Variants in GSDMC observed in about 807,000 individuals in gnomAD.
GSDMC encodes the protein gasdermin C.
Under a neutral mutation model 58.0 loss-of-function variants are expected in GSDMC, and 59 were observed. That is an observed-to-expected ratio of 1.02 (90% CI 0.82 to 1.26). The LOEUF is 1.26. GSDMC is among the 50% of genes most tolerant of loss of function. GSDMC has a pLI of 0.00. For missense variants in GSDMC, 659 were observed against 598.5 expected (o/e 1.10, Z -1.06); for synonymous variants, 241 against 220.2 (o/e 1.09, Z -0.83).
intron 5 of GSDMC, among the ~76,000 whole-genome samples, chr8:129,761,752 G>C (rs751217878): frequency 4.6e-5 from 7 of 152,128 alleles, no homozygotes; most frequent in Non-Finnish European, 1.0e-4. Flanking sequence ...CTCCTCATTA[G>C]AGAGCTGCTT....
Position 129,752,118 on chromosome 8 carries a change from C to G in GSDMC, c.874G>C (p.Gly292Arg), listed in dbSNP as rs373573200. ...AGATTCCACTCACTTGGCAAATGCC[C>G]GCTCAAAAATTGCTGTGTCAGAAAT... ...ELFLTQQFLS[G>R]HLPKYEQVHI... Residue 292 changes from glycine (G) to arginine (R), a missense_variant, in exon 8 of 14, where the codon GGG (glycine) becomes CGG (arginine). Transcript: ENST00000276708. 6 of 1,613,266 alleles carry G rather than the reference C, an allele frequency of 3.7e-6. No homozygotes were observed. The highest frequency in any genetic ancestry group is 2.2e-5 in the South Asian group (2 of 91,046).
chr8:129,744,624 G>A (rs1333494179), downstream of GSDMC, among the ~76,000 whole-genome samples: 1 of 152,200 alleles, frequency 6.6e-6, no homozygotes, highest in African/African-American at 2.4e-5. Context: ...AAAGTCCTCA[G>A]GAACTTAGTC....
the GSDMC span, chr8:129,728,874 T>C: frequency 2.9e-5 from 19 of 646,694 alleles, no homozygotes; most frequent in African/African-American, 1.8e-4. Flanking sequence ...GGGCGGGCTC[T>C]TGTGGACCTT....
chr8:129,710,854 A>C, the GSDMC span, among the ~76,000 whole-genome samples: 1 of 152,226 alleles, frequency 6.6e-6, no homozygotes, highest in African/African-American at 2.4e-5. Flanking sequence ...CGAGGCCAGC[A>C]AATTCACATG....
intron 3 of GSDMC, among the ~76,000 whole-genome samples, chr8:129,769,499 C>A (rs1342918479): frequency 6.6e-6 from 1 of 152,112 alleles, no homozygotes; most frequent in Non-Finnish European, 1.5e-5. Flanking sequence ...GTCCTCAGAG[C>A]ATGGCACCAG....
chr8:129,760,463 A>T, intron 6 of GSDMC, 82 bp downstream of exon 6: 1 of 756,022 alleles, frequency 1.3e-6, no homozygotes, highest in Non-Finnish European at 2.2e-6. Flanking sequence ...GTATCAAAAC[A>T]TCTCATGTAC....
chr8:129,711,419 C>T, the GSDMC span, among the ~76,000 whole-genome samples: 1 of 152,162 alleles, frequency 6.6e-6, no homozygotes, highest in Admixed American at 6.5e-5. Flanking sequence ...AGCAGAGCCT[C>T]CTACCAGATC....
chr8:129,750,442 G>T lies in GSDMC; in HGVS notation c.1072C>A (p.Leu358Met). 1 of 1,613,764 alleles carries T rather than the reference G, an allele frequency of 6.2e-7. No homozygotes were observed. Among genetic ancestry groups the T allele is most frequent in the Non-Finnish European group, 8.5e-7 (1 of 1,179,852 alleles). Residue 358 changes from leucine to methionine, a missense_variant, in exon 11 of 14, where the codon CTG (leucine) becomes ATG (methionine). Coordinates refer to ENST00000276708, the MANE Select transcript of GSDMC (RefSeq NM_031415.3). ...MLRDRGALQDLMNMLELDSSG... is the reference protein window; with the variant it reads ...MLRDRGALQDMMNMLELDSSG... ...GTGGAGCCCCTCACCATGTTCATCA[G>T]GTCCTGTAGAGCCCCTCTGTCTCTG...
chr8:129,712,235 T>C, the GSDMC span, among the ~76,000 whole-genome samples: 2 of 152,364 alleles, frequency 1.3e-5, no homozygotes, highest in Non-Finnish European at 1.5e-5. Context: ...TATTTTATCA[T>C]TGAATACATT....
chr8:129,708,781 C>T, the GSDMC span, among the ~76,000 whole-genome samples: 2 of 152,244 alleles, frequency 1.3e-5, no homozygotes, highest in African/African-American at 4.8e-5. Flanking sequence ...AGCTGAAATG[C>T]CTCTTCTAGC....
chr8:129,757,668 C>T (rs1038422505), intron 6 of GSDMC, among the ~76,000 whole-genome samples: 1 of 152,050 alleles, frequency 6.6e-6, no homozygotes, highest in African/African-American at 2.4e-5. Context: ...CAACAAAATA[C>T]TAGCAAACCG....
At chr8:129,742,234 G>C in the GSDMC span, among the ~76,000 whole-genome samples, 12 of 151,934 alleles carry the variant, frequency 7.9e-5, no homozygotes, top group Admixed American at 1.3e-4. Flanking sequence ...TGTACAACAG[G>C]GTGACCATAG....
chr8:129,785,047 A>G (rs865845299), intron 1 of GSDMC, among the ~76,000 whole-genome samples: 5 of 152,230 alleles, frequency 3.3e-5, no homozygotes, highest in African/African-American at 1.2e-4. Context: ...ACCCCGCTCT[A>G]CTAAAAATAC....
At chr8:129,784,671 G>A (rs906409915) in intron 1 of GSDMC, among the ~76,000 whole-genome samples, 1 of 152,212 alleles carries the variant, frequency 6.6e-6, no homozygotes, top group Non-Finnish European at 1.5e-5. Flanking sequence ...CAGCCACTAT[G>A]GAGAACAGTT....
chr8:129,765,539 A>G (rs2033824087), intron 4 of GSDMC, 89 bp downstream of exon 4: 3 of 888,476 alleles, frequency 3.4e-6, no homozygotes, highest in Non-Finnish European at 3.8e-6. Flanking sequence ...CTGGAAATAG[A>G]GTCCAGAGCC....
chr8:129,706,010 A>G, the GSDMC span, among the ~76,000 whole-genome samples: 2 of 152,186 alleles, frequency 1.3e-5, no homozygotes, highest in African/African-American at 4.8e-5. Flanking sequence ...TGGAAATTAT[A>G]GGGAAATAAT....
the GSDMC span, among the ~76,000 whole-genome samples, chr8:129,738,721 G>A: frequency 2.0e-5 from 3 of 152,114 alleles, no homozygotes; most frequent in South Asian, 6.2e-4. Context: ...GAGTTAACGG[G>A]TGCAGCACAC....
At chr8:129,740,982 C>T in the GSDMC span, among the ~76,000 whole-genome samples, 2 of 152,060 alleles carry the variant, frequency 1.3e-5, no homozygotes, top group African/African-American at 4.8e-5. Context: ...TCAAGTCTTA[C>T]GTTTAAGTCT....
At chr8:129,739,377 G>A in the GSDMC span, among the ~76,000 whole-genome samples, 1 of 152,160 alleles carries the variant, frequency 6.6e-6, no homozygotes, top group East Asian at 1.9e-4. Context: ...AGAGCATTTT[G>A]AGTAGAAAAA....
Sources: gnomAD v4.1 joint callset for allele counts (sites outside exome capture counted in the v4.1 genomes callset) on GRCh38, gnomAD v4.1.1 for gene constraint, MANE v1.5 for transcripts, NCBI Gene and HGNC (gene_info 2026-07-23, HGNC 2026-07-21) for gene names.